The following NEURL1 variants were observed in gnomAD, a reference collection of about 807,000 sequenced individuals.
NEURL1 encodes the protein neuralized E3 ubiquitin protein ligase 1, also known as E3 ubiquitin-protein ligase NEURL1.
Under a neutral mutation model 41.2 loss-of-function variants are expected in NEURL1, and 26 were observed. That is an observed-to-expected ratio of 0.63 (90% CI 0.46 to 0.87). The LOEUF (loss-of-function observed/expected upper bound fraction) is 0.87. Ranked by LOEUF, NEURL1 falls within the 40% of genes least tolerant of loss-of-function variation. The probability of loss-of-function intolerance (pLI) is 0.00; values close to 1 mark genes in which losing one functional copy is unlikely to be tolerated. For synonymous variants in NEURL1, 400 were observed against 402.3 expected, an observed-to-expected ratio of 0.99 and a Z score of 0.07; for missense variants, 761 against 871.1, an observed-to-expected ratio of 0.87 and a Z score of 1.59.
chr10:103,500,614 C>T (rs1461915710), intron 1 of NEURL1, among the ~76,000 whole-genome samples: 5 of 152,230 alleles, frequency 3.3e-5, no homozygotes, highest in Non-Finnish European at 7.3e-5. Flanking sequence ...TCTCCCTTGG[C>T]TAACCAGAAG....
At chr10:103,559,908 AAC>A (rs774621863) in intron 1 of NEURL1, among the ~76,000 whole-genome samples, 38 of 151,938 alleles carry the variant, frequency 2.5e-4, no homozygotes, top group East Asian at 3.9e-4. Context: ...GCACACACAC[AAC>A]ACACACATGC....
At position 103,516,048 on chromosome 10, in the gene NEURL1, C is replaced by A. The variant is rs371712648; in HGVS notation, c.85+21576C>A. On this transcript the variant is annotated intron_variant, in intron 1 of 5. Coordinates refer to ENST00000369780, the MANE Select transcript of NEURL1 (RefSeq NM_004210.5). ...TTTGAGACCAGCCTGAGCAACATTG[C>A]AAAACACCATTTCTACAAAAATATA... Among the ~76,000 whole-genome samples, 32 of 151,826 alleles carry A rather than the reference C, an allele frequency of 2.1e-4. 3 individuals carry two copies. The highest frequency in any genetic ancestry group is 1.4e-3 in the Admixed American group (22 of 15,260).
intron 1 of NEURL1, among the ~76,000 whole-genome samples, chr10:103,524,005 G>A (rs1325584997): frequency 6.6e-6 from 1 of 152,104 alleles, no homozygotes; most frequent in African/African-American, 2.4e-5. Flanking sequence ...TAGTTTTTCT[G>A]AGGAACCTTG....
chr10:103,567,349 T>G (rs139016550), intron 1 of NEURL1, among the ~76,000 whole-genome samples: 2 of 152,090 alleles, frequency 1.3e-5, no homozygotes, highest in Non-Finnish European at 2.9e-5. Flanking sequence ...TTTTAAAAAT[T>G]TATCCAGCAC....
At chr10:103,543,236 G>C (rs1289894798) in intron 1 of NEURL1, among the ~76,000 whole-genome samples, 1 of 152,206 alleles carries the variant, frequency 6.6e-6, no homozygotes, top group Non-Finnish European at 1.5e-5. Context: ...GTCAGATAAG[G>C]CTCTGCACTC....
At chr10:103,503,088 T>C (rs3014206) in intron 1 of NEURL1, among the ~76,000 whole-genome samples, 121,089 of 152,250 alleles carry the variant, frequency 0.8, 48,374 homozygotes, top group East Asian at 1. Flanking sequence ...TAGCCTGGGC[T>C]GCCTTTTGGC....
At chr10:103,497,815 A>G (rs369820500) in intron 1 of NEURL1, among the ~76,000 whole-genome samples, 1 of 152,190 alleles carries the variant, frequency 6.6e-6, no homozygotes, top group Admixed American at 6.5e-5. Flanking sequence ...GATCTACTCA[A>G]AAGGCATGGA....
At chr10:103,520,712 T>G (rs2034328367) in intron 1 of NEURL1, among the ~76,000 whole-genome samples, 1 of 151,966 alleles carries the variant, frequency 6.6e-6, no homozygotes, top group Non-Finnish European at 1.5e-5. Context: ...GGGAAAATTT[T>G]GGGGGGTGGT....
intron 4 of NEURL1, among the ~76,000 whole-genome samples, chr10:103,587,158 C>G (rs73324199): frequency 0.041 from 6,230 of 152,026 alleles, 439 homozygotes; most frequent in African/African-American, 0.14. Context: ...AGAAATTAGG[C>G]TGGGATGCAA....
rs756014402 is a variant in NEURL1, at chr10:103,590,165, C to T, written c.1518C>T (p.Pro506=). The T allele has an allele frequency of 1.6e-5, 26 of 1,613,998 alleles. No individual in the cohort carries two copies. In the Admixed American group the frequency reaches 2.2e-4, roughly 13 times the overall value. ...CCCCCAATTCGCCAGTGAGCCTGCC[C>T]GAGTCGCCAGTGACCCCAGGTCTGG... ...GTAPNSPVSL[P]ESPVTPGLGQ... The change falls in exon 6 of 6, where the codon CCC becomes CCT. Residue 506 remains proline (P), a synonymous_variant. Transcript: ENST00000369780.
intron 1 of NEURL1, among the ~76,000 whole-genome samples, chr10:103,535,476 G>A: frequency 6.6e-6 from 1 of 152,172 alleles, no homozygotes; most frequent in East Asian, 1.9e-4. Flanking sequence ...CATGCTTGGG[G>A]GTGATAGGGG....
chr10:103,570,951 C>A lies in NEURL1; in HGVS notation c.165C>A (p.Ser55Arg), dbSNP rs757509316. The change falls in exon 2 of 6, where the codon AGC becomes AGA. Residue 55 changes from serine to arginine, a missense_variant. Ser to Arg is a moderately radical substitution (Grantham distance 110). This residue lies in a region of NEURL1 where 94 missense variants were observed against 96.6 expected (regional missense o/e 0.97). Transcript: ENST00000369780. ...KQKHCPAVLP[S>R]GGLPATPLLF... ...AGCACTGTCCGGCAGTGCTGCCCAG[C>A]GGGGGGCTCCCAGCCACGCCGCTGC... The A allele has an allele frequency of 1.9e-6, 3 of 1,613,760 alleles. No individual in the cohort carries two copies. Among genetic ancestry groups the A allele is most frequent in the African/African-American group, 1.3e-5 (1 of 74,880 alleles).
intron 1 of NEURL1, among the ~76,000 whole-genome samples, chr10:103,551,275 A>G (rs1036818627): frequency 6.6e-6 from 1 of 151,258 alleles, no homozygotes; most frequent in Non-Finnish European, 1.5e-5. Context: ...CCTTTTAGTA[A>G]CAGAATCCTT....
intron 1 of NEURL1, among the ~76,000 whole-genome samples, chr10:103,544,388 G>A (rs535982637): frequency 1.3e-5 from 2 of 152,176 alleles, no homozygotes; most frequent in Non-Finnish European, 2.9e-5. Flanking sequence ...GACCCTGGTG[G>A]AAGGGGGAAT....
At chr10:103,570,410 C>T (rs982853561) in intron 1 of NEURL1, among the ~76,000 whole-genome samples, 3 of 152,200 alleles carry the variant, frequency 2.0e-5, no homozygotes, top group Non-Finnish European at 4.4e-5. Flanking sequence ...ATGTATGTTT[C>T]ATGTCTGTGT....
intron 1 of NEURL1, among the ~76,000 whole-genome samples, chr10:103,540,667 A>G (rs910009787): frequency 3.5e-5 from 5 of 143,682 alleles, no homozygotes; most frequent in Non-Finnish European, 6.0e-5. Context: ...GCTTAATGTC[A>G]TTATCATTAT....
chr10:103,572,992 C>CT (rs554119594), intron 3 of NEURL1, among the ~76,000 whole-genome samples: 8,426 of 146,448 alleles, frequency 0.058, 444 homozygotes, highest in African/African-American at 0.14. Flanking sequence ...GGTTGAAAAC[C>CT]TTTTTTTTTT....
intron 1 of NEURL1, among the ~76,000 whole-genome samples, chr10:103,538,242 G>A (rs2034738761): frequency 6.6e-6 from 1 of 151,884 alleles, no homozygotes; most frequent in African/African-American, 2.4e-5. Flanking sequence ...CTACAGGTGT[G>A]AGCTACCACG....
chr10:103,571,146 CT>C, intron 2 of NEURL1, 33 bp downstream of exon 2: 2 of 1,599,872 alleles, frequency 1.3e-6, no homozygotes. Flanking sequence ...CCCCCGCCTC[CT>C]GCTTCCTGCT....
Sources: allele counts gnomAD v4.1 joint callset (sites outside exome capture counted in the v4.1 genomes callset), GRCh38; gene constraint gnomAD v4.1.1; regional missense constraint gnomAD v4.1.1; transcripts MANE v1.5; gene names NCBI Gene and HGNC (gene_info 2026-07-23, HGNC 2026-07-21).